The following CACNA1C variants were observed in gnomAD, a reference collection of about 807,000 sequenced individuals.
CACNA1C encodes the protein calcium voltage-gated channel subunit alpha1 C.
In CACNA1C, 30 loss-of-function variants were observed where a neutral mutation model predicts 229.0. The observed-to-expected ratio is 0.13, with a 90% CI of 0.10 to 0.18. The LOEUF (loss-of-function observed/expected upper bound fraction) is 0.18, where lower values mean the gene tolerates loss of function less well. CACNA1C is among the 10% of genes least tolerant of loss of function. CACNA1C has a pLI of 1.00. For missense variants in CACNA1C, 1,658 were observed against 2,845.0 expected (o/e 0.58, Z 9.49); for synonymous variants, 1,114 against 1,132.5 (o/e 0.98, Z 0.33).
chr12:2,130,511 A>G (rs1370654437), intron 3 of CACNA1C, among the ~76,000 whole-genome samples: 1 of 123,192 alleles, frequency 8.1e-6, no homozygotes, highest in Non-Finnish European at 1.7e-5. Flanking sequence ...TGTCCATGTG[A>G]TCTCATTGTT....
chr12:2,363,115 A>G (rs2097606739), intron 3 of CACNA1C, among the ~76,000 whole-genome samples: 1 of 152,110 alleles, frequency 6.6e-6, no homozygotes, highest in African/African-American at 2.4e-5. Context: ...GGCCCTCCAG[A>G]GGAACACTCC....
chr12:2,583,831 G>A lies in CACNA1C; in HGVS notation c.2225-672G>A, dbSNP rs941167618. On this transcript the variant is annotated intron_variant, in intron 15 of 46. Transcript: ENST00000399655. ...CCTCTTCCCCAGCCTGGGTTGCTGC[G>A]GCTTCCCTGTGTGTGAAATGATATG... 5.3e-5 allele frequency among the ~76,000 whole-genome samples: 8 copies of A among 152,296 alleles called. No individual in the cohort carries two copies. In the East Asian group the frequency reaches 5.8e-4, roughly 11 times the overall value.
intron 1 of CACNA1C, chr12:1,992,596 A>G (rs954304134): frequency 5.1e-5 from 8 of 155,974 alleles, no homozygotes; most frequent in South Asian, 3.9e-4. Flanking sequence ...ATTTTCAGCA[A>G]TCTTCCTCTG....
At chr12:2,237,807 C>T (rs1472786990) in intron 3 of CACNA1C, among the ~76,000 whole-genome samples, 1 of 152,192 alleles carries the variant, frequency 6.6e-6, no homozygotes, top group Non-Finnish European at 1.5e-5. Flanking sequence ...TACTGCTAAG[C>T]AAAACTTCAG....
At chr12:2,425,603 C>G (rs887516056) in intron 3 of CACNA1C, among the ~76,000 whole-genome samples, 5 of 152,286 alleles carry the variant, frequency 3.3e-5, no homozygotes, top group Admixed American at 6.5e-5. Flanking sequence ...AGCAGGGAAC[C>G]CTGGTCCTTA....
Position 2,595,832 on chromosome 12 carries a change from C to G in CACNA1C, c.2664-42C>G. ...AGAGCCGACTGGTGCTTCCCCTTGT[C>G]TGCCTTGACTTGTCTCTCCTCCTGT... On this transcript the variant is annotated intron_variant, in intron 19 of 46. Coordinates refer to ENST00000399655, the MANE Select transcript of CACNA1C (RefSeq NM_000719.7). The surrounding 1 kb of genome is among the most constrained non-coding windows in gnomAD (Gnocchi z 4.1). 1.3e-6 allele frequency: 2 copies of G among 1,597,040 alleles called. No homozygotes were observed. The highest frequency in any genetic ancestry group is 1.1e-5 in the South Asian group (1 of 89,182).
At chr12:2,084,619 A>C (rs1022792612) in intron 1 of CACNA1C, among the ~76,000 whole-genome samples, 14 of 152,096 alleles carry the variant, frequency 9.2e-5, no homozygotes, top group African/African-American at 3.4e-4. Flanking sequence ...CCCAGAAGGG[A>C]CACAGGGCTT....
At chr12:2,281,558 T>TTC (rs1429931784) in intron 3 of CACNA1C, among the ~76,000 whole-genome samples, 2 of 152,238 alleles carry the variant, frequency 1.3e-5, no homozygotes, top group Non-Finnish European at 2.9e-5. Flanking sequence ...TAGTATAGAA[T>TTC]TCTCAGGTGA....
rs2044834598 is a variant in CACNA1C, at chr12:2,013,727, A to AC, written c.139+42529dup. ...TGGAAGGCAGCATCTGTAGGTTCTCACCCATTTCTGTGGGTATGGAAGAAA... is the reference window on the plus strand; with the variant it reads ...TGGAAGGCAGCATCTGTAGGTTCTCACCCCATTTCTGTGGGTATGGAAGAAA... On this transcript the variant is annotated intron_variant, in intron 1 of 46. Coordinates refer to the CACNA1C transcript ENST00000682462. Among the ~76,000 whole-genome samples, 4 of 152,160 alleles carry AC rather than the reference A, an allele frequency of 2.6e-5. No individual in the cohort carries two copies. The South Asian group carries it at 8.3e-4, about 32-fold the overall frequency.
At chr12:2,252,864 CTT>C (rs77872904) in intron 3 of CACNA1C, among the ~76,000 whole-genome samples, 2 of 143,128 alleles carry the variant, frequency 1.4e-5, no homozygotes, top group Admixed American at 7.0e-5. Flanking sequence ...ATGGGTTTAA[CTT>C]TTTTTTTTTT....
At chr12:2,075,964 G>T (rs550837781) in intron 1 of CACNA1C, among the ~76,000 whole-genome samples, 2 of 152,192 alleles carry the variant, frequency 1.3e-5, no homozygotes, top group African/African-American at 4.8e-5. Context: ...AGAGATAAAA[G>T]TCAGGGAGGT....
chr12:1,989,371 G>C (rs984097489), intron 1 of CACNA1C, among the ~76,000 whole-genome samples: 1 of 151,554 alleles, frequency 6.6e-6, no homozygotes, highest in Non-Finnish European at 1.5e-5. Flanking sequence ...GCAGGAGCAG[G>C]AGCAGAGCAA....
Position 2,285,446 on chromosome 12 carries a change from C to T in CACNA1C, c.478-163530C>T, listed in dbSNP as rs1236880479. Among the ~76,000 whole-genome samples, 1 of 152,154 alleles carries T rather than the reference C, an allele frequency of 6.6e-6. No homozygotes were observed. The highest frequency in any genetic ancestry group is 1.5e-5 in the Non-Finnish European group (1 of 68,032). ...GTGACGTAGGGCTGCAGGGAGAGCC[C>T]AGGTAGTGGAGGAAATGGCAGCCTT... On this transcript the variant is annotated intron_variant, in intron 3 of 46. Coordinates refer to ENST00000399655, the MANE Select transcript of CACNA1C (RefSeq NM_000719.7). This position sits in a 1 kb window ranked among gnomAD's most constrained non-coding sequence, Gnocchi z 4.2.
chr12:2,310,536 C>T (rs1432374636), intron 3 of CACNA1C, among the ~76,000 whole-genome samples: 1 of 152,036 alleles, frequency 6.6e-6, no homozygotes, highest in Admixed American at 6.5e-5. Context: ...TTTGGAAATT[C>T]GACTTCCAAA....
chr12:1,973,632 G>A (rs1555198354), intron 1 of CACNA1C, among the ~76,000 whole-genome samples: 1 of 152,044 alleles, frequency 6.6e-6, no homozygotes, highest in Non-Finnish European at 1.5e-5. Context: ...ACTACCCTCA[G>A]GTTTACCAAA....
chr12:2,691,190 C>T lies in CACNA1C; in HGVS notation c.6408C>T (p.Ser2136=). The T allele has an allele frequency of 6.4e-7, 1 of 1,561,764 alleles. No homozygotes were observed. The highest frequency in any genetic ancestry group is 1.2e-5 in the South Asian group (1 of 84,094). Residue 2136 remains serine, a synonymous_variant, in exon 47 of 47, where the codon AGC becomes AGT. Coordinates refer to ENST00000399655, the MANE Select transcript of CACNA1C (RefSeq NM_000719.7). ...TCCAGGACAGCAGGGTCTACGTCAG[C>T]AGCCTGTAGTGGGCGCTGCCAGATG... ...EELQDSRVYV[S]SL is the part of the protein sequence containing the mutation.
At chr12:2,022,713 G>A (rs1009122191) in intron 1 of CACNA1C, among the ~76,000 whole-genome samples, 1 of 152,098 alleles carries the variant, frequency 6.6e-6, no homozygotes, top group African/African-American at 2.4e-5. Flanking sequence ...CCAAAGTGTT[G>A]AGATTACAGG....
chr12:2,171,443 C>T lies in CACNA1C; in HGVS notation c.477+51013C>T, dbSNP rs115417960. Among the ~76,000 whole-genome samples, 1,041 of 152,248 alleles carry T rather than the reference C, an allele frequency of 6.8e-3. 6 individuals are homozygous for T. The highest frequency in any genetic ancestry group is 0.024 in the African/African-American group (983 of 41,538). Reference sequence around the variant, plus strand: ...AGGGATGAGCATTCTGCAGGGAGTCCGTCAAGATGAGTCCATGGTGGAAAA... The same window carrying T: ...AGGGATGAGCATTCTGCAGGGAGTCTGTCAAGATGAGTCCATGGTGGAAAA... On this transcript the variant is annotated intron_variant, in intron 3 of 46. Coordinates refer to ENST00000399655, the MANE Select transcript of CACNA1C (RefSeq NM_000719.7).
At chr12:2,338,350 G>C (rs1169285575) in intron 3 of CACNA1C, among the ~76,000 whole-genome samples, 3 of 152,154 alleles carry the variant, frequency 2.0e-5, no homozygotes, top group Admixed American at 2.0e-4. Flanking sequence ...AGAGACCCCA[G>C]GGTGGGCGCC....
Sources: allele counts gnomAD v4.1 joint callset (sites outside exome capture counted in the v4.1 genomes callset), GRCh38; gene constraint gnomAD v4.1.1; non-coding constraint Gnocchi (gnomAD v3.1); transcripts MANE v1.5; gene names NCBI Gene and HGNC (gene_info 2026-07-23, HGNC 2026-07-21).